CABIN1: variants seen among roughly 807,000 people sequenced by gnomAD.
The protein encoded by CABIN1 is calcineurin binding protein 1, also known as calcineurin-binding protein cabin-1.
CABIN1 carries 133 observed loss-of-function variants against 227.7 expected under a neutral mutation model. The observed-to-expected ratio is 0.58, with a 90% CI of 0.51 to 0.67. CABIN1 has a LOEUF of 0.67. CABIN1 is among the 30% of genes least tolerant of loss of function. CABIN1 has a pLI of 0.00. For missense variants in CABIN1, 2,408 were observed against 2,852.5 expected (o/e 0.84, Z 3.55); for synonymous variants, 1,086 against 1,155.1 (o/e 0.94, Z 1.21).
chr22:24,054,423 A>G (rs2038616818), intron 8 of CABIN1, among the ~76,000 whole-genome samples: 1 of 152,186 alleles, frequency 6.6e-6, no homozygotes, highest in African/African-American at 2.4e-5. Flanking sequence ...CCATGGTCCA[A>G]GTTCTTATAG....
At chr22:24,044,102 C>T (rs1377163014) in intron 6 of CABIN1, among the ~76,000 whole-genome samples, 1 of 152,136 alleles carries the variant, frequency 6.6e-6, no homozygotes, top group African/African-American at 2.4e-5. Context: ...AGGGACAAGC[C>T]CCACCCTTTT....
rs201119708 is a variant in CABIN1, at chr22:24,069,573, T to C, written c.2233-1227T>C. On this transcript the variant is annotated intron_variant, in intron 16 of 36. Coordinates refer to ENST00000263119, the MANE Select transcript of CABIN1 (RefSeq NM_012295.4). ...TTGCATTTAGTAGTCTTTATCATGC[T>C]GGAAAATAATCCTCTGGCTCTCACA... Among the ~76,000 whole-genome samples the C allele has an allele frequency of 7.9e-5, 12 of 152,346 alleles. No individual in the cohort carries two copies. In the East Asian group the frequency reaches 2.3e-3, roughly 29 times the overall value.
intron 26 of CABIN1, among the ~76,000 whole-genome samples, chr22:24,099,141 G>A (rs1230553965): frequency 1.3e-5 from 2 of 152,172 alleles, no homozygotes; most frequent in Non-Finnish European, 2.9e-5. Context: ...AGGTCTGGGG[G>A]GGGCCACCAC....
chr22:24,146,788 C>A (rs569645581), intron 29 of CABIN1, among the ~76,000 whole-genome samples: 56 of 152,254 alleles, frequency 3.7e-4, no homozygotes, highest in Non-Finnish European at 5.7e-4. Flanking sequence ...AAAATTCTGG[C>A]AAAGCCAGGA....
At chr22:24,086,536 T>A (rs1569191149) in intron 22 of CABIN1, among the ~76,000 whole-genome samples, 1 of 152,246 alleles carries the variant, frequency 6.6e-6, no homozygotes, top group Non-Finnish European at 1.5e-5. Context: ...CCACTTTCGT[T>A]CTGGCCTTAA....
chr22:24,174,190 C>T (rs1054670923), intron 34 of CABIN1, among the ~76,000 whole-genome samples: 3 of 151,718 alleles, frequency 2.0e-5, no homozygotes, highest in Non-Finnish European at 4.4e-5. Context: ...TGCAGCAGTG[C>T]GATCATGGCT....
intron 15 of CABIN1, 142 bp from the exon 16 acceptor site, chr22:24,066,845 G>T: frequency 1.3e-6 from 1 of 740,822 alleles, no homozygotes; most frequent in Non-Finnish European, 2.4e-6. Flanking sequence ...GTATGAAGGA[G>T]GAATCTAATT....
In CABIN1 at chr22:24,163,338, A is replaced by C. The variant is rs529199675; in HGVS notation, c.4747-1062A>C. Among the ~76,000 whole-genome samples, 80 of 152,240 alleles carry C rather than the reference A, an allele frequency of 5.3e-4. 1 individual carries two copies. The highest frequency in any genetic ancestry group is 1.9e-3 in the African/African-American group (77 of 41,542). Reference sequence around the variant, plus strand: ...AGGGCTGCTAGAGCAGGGTGGGCCCACACCTGTGTACAGATACTGTGGATA... The same window carrying C: ...AGGGCTGCTAGAGCAGGGTGGGCCCCCACCTGTGTACAGATACTGTGGATA... On this transcript the variant is annotated intron_variant, in intron 29 of 36. Transcript: ENST00000263119.
At position 24,071,035 on chromosome 22, in the gene CABIN1, T is replaced by C. The variant is rs1469228389; in HGVS notation, c.2468T>C (p.Leu823Pro). 1 of 1,614,108 alleles carries C rather than the reference T, an allele frequency of 6.2e-7. No individual in the cohort carries two copies. The highest frequency in any genetic ancestry group is 8.5e-7 in the Non-Finnish European group (1 of 1,180,048). ...GGCCTTGTGCGGCTCACCAACAACC[T>C]CATCCAGGTAACCCCTGGCTCCTTC... ...TTGLVRLTNN[L>P]IQVIDCSMAV... The change falls in exon 17 of 37, where the codon CTC (leucine) becomes CCC (proline). Residue 823 changes from leucine to proline, a missense_variant. Transcript: ENST00000263119.
chr22:24,167,376 C>T, intron 32 of CABIN1, 63 bp downstream of exon 32: 1 of 1,526,150 alleles, frequency 6.6e-7, no homozygotes, highest in Admixed American at 1.9e-5. Flanking sequence ...TCTTGCCTTT[C>T]TATCCTCAAG....
Position 24,050,847 on chromosome 22 carries a change from T to A in CABIN1, c.679T>A (p.Ser227Thr). 6.2e-7 allele frequency: 1 copy of A among 1,614,230 alleles called. No individual in the cohort carries two copies. Among genetic ancestry groups the A allele is most frequent in the Non-Finnish European group, 8.5e-7 (1 of 1,180,042 alleles). ...TAGTGACATGTCGATTCACGATGTT[T>A]CGGTGAGTGCAGCTGAGACACAGGC... ...LKCDMSIHDVSVSAAETQAIV... is the reference protein window; with the variant it reads ...LKCDMSIHDVTVSAAETQAIV... Residue 227 changes from serine to threonine, a missense_variant, in exon 8 of 37, where the codon TCG (serine) becomes ACG (threonine). Around this residue, in one of 3 missense-constraint regions of CABIN1, gnomAD observed 1,045 missense variants for 1,168.4 expected, o/e 0.89. Transcript: ENST00000263119.
intron 26 of CABIN1, among the ~76,000 whole-genome samples, chr22:24,109,405 G>A (rs960747813): frequency 2.0e-5 from 3 of 151,166 alleles, no homozygotes; most frequent in African/African-American, 7.3e-5. Flanking sequence ...TGTACAGACG[G>A]GCATCTCCGT....
rs117767102 is a variant in CABIN1 at position 24,073,079 on chromosome 22, C to T, written c.2632+569C>T. Among the ~76,000 whole-genome samples, 61 of 152,224 alleles carry T rather than the reference C, an allele frequency of 4.0e-4. No individual in the cohort carries two copies. In the East Asian group the frequency reaches 6.0e-3, roughly 15 times the overall value. On this transcript the variant is annotated intron_variant, in intron 18 of 36. Coordinates refer to ENST00000263119, the MANE Select transcript of CABIN1 (RefSeq NM_012295.4). ...GTCAGTGCCTGGCTCATGGTGGGTG[C>T]TGAGTGATGAGAATCCAGGGAGGGC...
chr22:24,090,302 G>T (rs1255324438), intron 23 of CABIN1, among the ~76,000 whole-genome samples: 1 of 152,182 alleles, frequency 6.6e-6, no homozygotes, highest in Non-Finnish European at 1.5e-5. Context: ...GTGGGCAGGG[G>T]GGCTAGTGAC....
At chr22:24,167,349 G>A in intron 32 of CABIN1, 36 bp downstream of exon 32, 2 of 1,588,742 alleles carry the variant, frequency 1.3e-6, no homozygotes, top group South Asian at 2.3e-5. Context: ...GCACTAGTCT[G>A]CTGGCAGCAT....
intron 4 of CABIN1, among the ~76,000 whole-genome samples, chr22:24,039,325 T>C (rs968050887): frequency 6.6e-5 from 10 of 152,178 alleles, no homozygotes; most frequent in African/African-American, 2.2e-4. Context: ...TTGATGGTTT[T>C]TGCTGCCGAT....
At chr22:24,021,926 C>T (rs889249860) in intron 1 of CABIN1, among the ~76,000 whole-genome samples, 1 of 152,164 alleles carries the variant, frequency 6.6e-6, no homozygotes, top group Non-Finnish European at 1.5e-5. Flanking sequence ...CTCAGGTGAT[C>T]TACCCACCTT....
intron 1 of CABIN1, among the ~76,000 whole-genome samples, chr22:24,028,523 G>A (rs894939706): frequency 6.6e-6 from 1 of 152,162 alleles, no homozygotes; most frequent in Non-Finnish European, 1.5e-5. Context: ...GCTGGTCGTG[G>A]AGAAAGATTT....
intron 29 of CABIN1, among the ~76,000 whole-genome samples, chr22:24,137,019 C>T (rs1410348110): frequency 1.3e-5 from 2 of 152,160 alleles, no homozygotes; most frequent in Non-Finnish European, 2.9e-5. Context: ...TCCTGGGTTC[C>T]TCACCTTGAA....
Sources: allele counts gnomAD v4.1 joint callset (sites outside exome capture counted in the v4.1 genomes callset), GRCh38; gene constraint gnomAD v4.1.1; regional missense constraint gnomAD v4.1.1; transcripts MANE v1.5; gene names NCBI Gene and HGNC (gene_info 2026-07-23, HGNC 2026-07-21).